Variants in PTPRT observed in about 807,000 individuals in gnomAD.
PTPRT encodes the protein protein tyrosine phosphatase receptor type T, also known as receptor-type tyrosine-protein phosphatase T.
In PTPRT, 56 loss-of-function variants were observed where a neutral mutation model predicts 176.8. That is an observed-to-expected ratio of 0.32 (90% CI 0.26 to 0.40). The LOEUF (loss-of-function observed/expected upper bound fraction) is 0.40, where lower values mean the gene tolerates loss of function less well. Ranked by LOEUF, PTPRT falls within the 10% of genes least tolerant of loss-of-function variation. The pLI is 1.00. For synonymous variants in PTPRT, 783 were observed against 739.0 expected, an observed-to-expected ratio of 1.06 and a Z score of -0.96; for missense variants, 1,540 against 1,908.2, an observed-to-expected ratio of 0.81 and a Z score of 3.60.
chr20:42,854,129 A>T (rs1355990106), intron 2 of PTPRT, among the ~76,000 whole-genome samples: 1 of 152,162 alleles, frequency 6.6e-6, no homozygotes, highest in African/African-American at 2.4e-5. Context: ...TTATACCCAG[A>T]GTGTTTCTGT....
At chr20:42,542,591 T>C (rs1278573875) in intron 7 of PTPRT, among the ~76,000 whole-genome samples, 5 of 152,202 alleles carry the variant, frequency 3.3e-5, no homozygotes, top group Admixed American at 1.3e-4. Context: ...ACACAATCTA[T>C]GTAGAGAAGA....
rs2015472685 is a variant in PTPRT at position 43,189,158 on chromosome 20, C to T, written c.88+488G>A. Among the ~76,000 whole-genome samples the T allele has an allele frequency of 6.6e-6, 1 of 152,170 alleles. No homozygotes were observed. Among genetic ancestry groups the T allele is most frequent in the Non-Finnish European group, 1.5e-5 (1 of 68,028 alleles). ...AGAGCAAATGGAGAGCTTCCTGTAT[C>T]TCCGAGGAAAAAAGAAAAGCCGCCG... On this transcript the variant is annotated intron_variant, in intron 1 of 30. Transcript: ENST00000373187. This position sits in a 1 kb window ranked among gnomAD's most constrained non-coding sequence, Gnocchi z 5.0.
intron 1 of PTPRT, among the ~76,000 whole-genome samples, chr20:43,120,942 G>A (rs1156530037): frequency 6.6e-6 from 1 of 152,082 alleles, no homozygotes; most frequent in Admixed American, 6.5e-5. Context: ...TTCGATAACT[G>A]CCAGCCAGGT....
At chr20:42,342,740 T>C (rs1186193089) in intron 11 of PTPRT, among the ~76,000 whole-genome samples, 1 of 152,180 alleles carries the variant, frequency 6.6e-6, no homozygotes, top group Non-Finnish European at 1.5e-5. Flanking sequence ...GCAAAACCCC[T>C]CTGTGATTGT....
intron 2 of PTPRT, among the ~76,000 whole-genome samples, chr20:42,847,692 C>T (rs1470160521): frequency 6.6e-6 from 1 of 152,186 alleles, no homozygotes; most frequent in Non-Finnish European, 1.5e-5. Flanking sequence ...GAGTGATCTG[C>T]TGGCTGAAGG....
chr20:42,906,938 A>G (rs1448766141), intron 1 of PTPRT, among the ~76,000 whole-genome samples: 2 of 152,058 alleles, frequency 1.3e-5, no homozygotes, highest in Non-Finnish European at 2.9e-5. Flanking sequence ...CATACTGTCA[A>G]CCCCCAAGTT....
At position 42,340,993 on chromosome 20, in the gene PTPRT, C is replaced by T. The variant is rs150271408; in HGVS notation, c.1865+9635G>A. Among the ~76,000 whole-genome samples the T allele has an allele frequency of 5.3e-3, 805 of 152,136 alleles. 4 individuals carry two copies. The highest frequency in any genetic ancestry group is 8.5e-3 in the Non-Finnish European group (578 of 67,996). On this transcript the variant is annotated intron_variant, in intron 11 of 30. Transcript: ENST00000373187. ...ACTGCCCCTCCATCCTTAGTCTGGC[C>T]TCGTGTTCCTTGCAACATTTGGCTC...
At chr20:42,653,142 C>T (rs1430908152) in intron 7 of PTPRT, among the ~76,000 whole-genome samples, 3 of 152,152 alleles carry the variant, frequency 2.0e-5, no homozygotes, top group Non-Finnish European at 4.4e-5. Flanking sequence ...TACCCCCATG[C>T]TGCTGTTCTC....
chr20:42,656,464 CAG>C (rs1263939617), intron 7 of PTPRT, among the ~76,000 whole-genome samples: 2 of 152,076 alleles, frequency 1.3e-5, no homozygotes, highest in Non-Finnish European at 2.9e-5. Context: ...CACTTGTTTG[CAG>C]AGTTATTGTC....
chr20:42,622,079 C>G (rs1288897802), intron 7 of PTPRT, among the ~76,000 whole-genome samples: 2 of 152,166 alleles, frequency 1.3e-5, no homozygotes, highest in Non-Finnish European at 2.9e-5. Flanking sequence ...GGACAGGGCT[C>G]TCCTTAACAT....
At chr20:42,141,334 G>T (rs551517583) in intron 18 of PTPRT, among the ~76,000 whole-genome samples, 1 of 152,342 alleles carries the variant, frequency 6.6e-6, no homozygotes, top group South Asian at 2.1e-4. Context: ...CAAGCCCCAG[G>T]TGTATGCCAG....
At chr20:43,109,366 A>T (rs1228781012) in intron 1 of PTPRT, among the ~76,000 whole-genome samples, 3 of 152,120 alleles carry the variant, frequency 2.0e-5, no homozygotes, top group Non-Finnish European at 4.4e-5. Flanking sequence ...CTCTCCAGAT[A>T]CAAAGATCAC....
At chr20:42,676,662 A>G (rs1341674833) in intron 7 of PTPRT, among the ~76,000 whole-genome samples, 3 of 152,228 alleles carry the variant, frequency 2.0e-5, no homozygotes, top group African/African-American at 7.2e-5. Flanking sequence ...GACTTTGGAC[A>G]AAAAGTTTAA....
At position 42,477,391 on chromosome 20, in the gene PTPRT, A is replaced by AT. The variant is rs751203523; in HGVS notation, c.1154-4830dup. ...GTCTTTAAGGGTAATATATATATAT[A>AT]TATTTTTTTTGCATTCAAGCAAGAG... On this transcript the variant is annotated intron_variant, in intron 7 of 30. Coordinates refer to ENST00000373187, the MANE Select transcript of PTPRT (RefSeq NM_007050.6). Among the ~76,000 whole-genome samples, 308 of 151,664 alleles carry AT rather than the reference A, an allele frequency of 2.0e-3. 1 individual carries two copies. Among genetic ancestry groups the AT allele is most frequent in the South Asian group, 4.0e-3 (19 of 4,694 alleles).
At chr20:42,698,476 G>T (rs180873986) in intron 6 of PTPRT, among the ~76,000 whole-genome samples, 24 of 152,234 alleles carry the variant, frequency 1.6e-4, no homozygotes, top group African/African-American at 5.8e-4. Context: ...TTTACTAAAA[G>T]TCCTTTGTAT....
At chr20:42,790,173 C>T (rs1346232025) in intron 3 of PTPRT, among the ~76,000 whole-genome samples, 3 of 151,524 alleles carry the variant, frequency 2.0e-5, no homozygotes, top group African/African-American at 7.3e-5. Context: ...GGATTGCACA[C>T]TTAAAATAGG....
chr20:43,118,980 T>G (rs2013156805), intron 1 of PTPRT, among the ~76,000 whole-genome samples: 1 of 152,244 alleles, frequency 6.6e-6, no homozygotes, highest in South Asian at 2.1e-4. Context: ...TGAATTCAAA[T>G]TTATGAGTAA....
At chr20:43,120,796 T>C (rs1009226537) in intron 1 of PTPRT, among the ~76,000 whole-genome samples, 1 of 152,236 alleles carries the variant, frequency 6.6e-6, no homozygotes, top group African/African-American at 2.4e-5. Flanking sequence ...TGGTTTTCCA[T>C]AAACATTTTT....
chr20:42,966,801 C>T (rs550585358), intron 1 of PTPRT, among the ~76,000 whole-genome samples: 53 of 152,124 alleles, frequency 3.5e-4, no homozygotes, highest in Non-Finnish European at 6.9e-4. Flanking sequence ...GAGAAAAGTT[C>T]GTAAAAATCA....
Sources: allele counts gnomAD v4.1 joint callset (sites outside exome capture counted in the v4.1 genomes callset), GRCh38; gene constraint gnomAD v4.1.1; non-coding constraint Gnocchi (gnomAD v3.1); transcripts MANE v1.5; gene names NCBI Gene and HGNC (gene_info 2026-07-23, HGNC 2026-07-21).